PKD1L1: variants seen among roughly 807,000 people sequenced by gnomAD.
The protein encoded by PKD1L1 is polycystin 1 like 1, transient receptor potential channel interacting.
A neutral mutation model predicts 323.4 loss-of-function variants in PKD1L1; 236 were observed. The observed-to-expected ratio is 0.73, with a 90% confidence interval of 0.66 to 0.81. The LOEUF (loss-of-function observed/expected upper bound fraction) is 0.81, where lower values mean the gene tolerates loss of function less well. Among genes scored for constraint, PKD1L1 ranks in the 40% least tolerant of loss-of-function variants. The pLI is 0.00. For missense variants in PKD1L1, 3,320 were observed against 3,508.0 expected, an observed-to-expected ratio of 0.95 and a Z score of 1.35; for synonymous variants, 1,344 against 1,335.0, an observed-to-expected ratio of 1.01 and a Z score of -0.15.
intron 7 of PKD1L1, among the ~76,000 whole-genome samples, chr7:47,924,432 T>C (rs1228803039): frequency 1.3e-5 from 2 of 152,184 alleles, no homozygotes; most frequent in Non-Finnish European, 2.9e-5. Flanking sequence ...ATCAGATCTT[T>C]AGGTTTCACA....
chr7:47,864,628 C>CTT (rs1343089792), intron 26 of PKD1L1, among the ~76,000 whole-genome samples: 1 of 139,282 alleles, frequency 7.2e-6, no homozygotes, highest in Non-Finnish European at 1.5e-5. Flanking sequence ...TTCTTTCTTT[C>CTT]TTTCTTTCCT....
chr7:47,885,571 G>A (rs963991457), intron 18 of PKD1L1, 115 bp downstream of exon 18: 41 of 1,394,188 alleles, frequency 2.9e-5, no homozygotes, highest in Non-Finnish European at 4.0e-5. Context: ...GGCGCTTTCT[G>A]ATTTAAAGGC....
At chr7:47,953,242 G>T (rs1788229608), upstream of PKD1L1, among the ~76,000 whole-genome samples, 2 of 152,120 alleles carry the variant, frequency 1.3e-5, no homozygotes, top group South Asian at 4.1e-4. Flanking sequence ...GTATTACATG[G>T]GGTAATGTTT....
intron 2 of PKD1L1, 116 bp downstream of exon 2, chr7:47,943,280 T>G: frequency 1.2e-6 from 1 of 828,508 alleles, no homozygotes; most frequent in African/African-American, 1.7e-5. Flanking sequence ...CTGACCTTCC[T>G]TCTGTTTCTT....
At chr7:47,796,830 C>CAAA (rs71006525) in intron 54 of PKD1L1, among the ~76,000 whole-genome samples, 2,620 of 133,414 alleles carry the variant, frequency 0.02, 72 homozygotes, top group African/African-American at 0.05. Context: ...TCCTAAATTA[C>CAAA]AAAAAAAAAA....
At chr7:47,928,518 C>T (rs1335882972) in intron 7 of PKD1L1, among the ~76,000 whole-genome samples, 2 of 151,890 alleles carry the variant, frequency 1.3e-5, no homozygotes, top group South Asian at 2.1e-4. Flanking sequence ...TGCAGTGAGC[C>T]GAGATTGCGC....
At chr7:47,910,863 T>TG (rs1554411357) in intron 8 of PKD1L1, among the ~76,000 whole-genome samples, 69 of 151,012 alleles carry the variant, frequency 4.6e-4, no homozygotes, top group African/African-American at 1.3e-3. Flanking sequence ...TGTGTGTGTA[T>TG]TTTTAGTAGA....
chr7:47,885,871 C>T lies in PKD1L1; in HGVS notation c.3020G>A (p.Gly1007Glu). Residue 1007 changes from glycine to glutamate, a missense_variant, in exon 18 of 57, where the codon GGA (glycine) becomes GAA (glutamate). Coordinates refer to ENST00000289672, the MANE Select transcript of PKD1L1 (RefSeq NM_138295.5). ...LGQPATSAPR[G>E]TPTEPMTGVY... is the part of the protein sequence containing the mutation. ...TCCAGTCATGGGCTCTGTGGGGGTT[C>T]CCCTTGGAGCTGAAGTGGCAGGTTG... 6.2e-7 allele frequency: 1 copy of T among 1,614,146 alleles called. No homozygotes were observed. The highest frequency in any genetic ancestry group is 8.5e-7 in the Non-Finnish European group (1 of 1,180,030).
rs1390494101 is a variant in PKD1L1, at chr7:47,840,994, C to T, written c.5446-427G>A. On this transcript the variant is annotated intron_variant, in intron 34 of 56. Coordinates refer to ENST00000289672, the MANE Select transcript of PKD1L1 (RefSeq NM_138295.5). The surrounding 1 kb of genome is among the most constrained non-coding windows in gnomAD (Gnocchi z 4.1). ...GGGCACACCCTGGGGAGGCACATGACAATCTGGCTGGGCTTGTCGTTCTCA... is the reference window on the plus strand; with the variant it reads ...GGGCACACCCTGGGGAGGCACATGATAATCTGGCTGGGCTTGTCGTTCTCA... 6.6e-6 allele frequency among the ~76,000 whole-genome samples: 1 copy of T among 152,220 alleles called. No homozygotes were observed. The highest frequency in any genetic ancestry group is 1.5e-5 in the Non-Finnish European group (1 of 68,050).
intron 14 of PKD1L1, 47 bp from the exon 15 acceptor site, chr7:47,894,106 G>A: frequency 6.8e-7 from 1 of 1,480,220 alleles, no homozygotes; most frequent in Non-Finnish European, 9.1e-7. Flanking sequence ...GGACAAGGCA[G>A]GGACTCACTG....
chr7:47,804,325 G>GC (rs1784729340), intron 52 of PKD1L1, among the ~76,000 whole-genome samples: 1 of 152,024 alleles, frequency 6.6e-6, no homozygotes, highest in Non-Finnish European at 1.5e-5. Flanking sequence ...TTTTCTAGTA[G>GC]CCATGTTTTA....
intron 2 of PKD1L1, among the ~76,000 whole-genome samples, chr7:47,940,793 C>T (rs911859684): frequency 3.3e-5 from 5 of 152,210 alleles, no homozygotes; most frequent in Non-Finnish European, 7.3e-5. Context: ...TAGCACGGAC[C>T]TGGCTGACGT....
intron 14 of PKD1L1, 38 bp from the exon 15 acceptor site, chr7:47,894,097 G>A: frequency 6.6e-7 from 1 of 1,508,960 alleles, no homozygotes; most frequent in African/African-American, 1.4e-5. Context: ...GTCATGCAGG[G>A]ACAAGGCAGG....
intron 42 of PKD1L1, among the ~76,000 whole-genome samples, 170 bp downstream of exon 42, chr7:47,831,047 A>G (rs1433175599): frequency 2.0e-5 from 3 of 152,182 alleles, no homozygotes; most frequent in African/African-American, 7.2e-5. Context: ...TGGGATCTGC[A>G]TAGGATTTTA....
At chr7:47,945,285 T>C (rs1370219125) in intron 1 of PKD1L1, among the ~76,000 whole-genome samples, 2 of 152,248 alleles carry the variant, frequency 1.3e-5, no homozygotes, top group Non-Finnish European at 2.9e-5. Flanking sequence ...TGGATGTCTA[T>C]AAAGTCTAGA....
chr7:47,833,326 T>C, intron 40 of PKD1L1, 74 bp from the exon 41 acceptor site: 1 of 1,506,450 alleles, frequency 6.6e-7, no homozygotes, highest in Non-Finnish European at 9.0e-7. Context: ...AACAGTGGTG[T>C]GGCTTGCCGC....
At chr7:47,824,298 G>A (rs1785201029) in intron 45 of PKD1L1, among the ~76,000 whole-genome samples, 1 of 152,174 alleles carries the variant, frequency 6.6e-6, no homozygotes, top group Non-Finnish European at 1.5e-5. Flanking sequence ...GGACTGCAGA[G>A]TTTTGACTTC....
At chr7:47,824,902 G>A (rs531139348) in intron 45 of PKD1L1, among the ~76,000 whole-genome samples, 1 of 152,290 alleles carries the variant, frequency 6.6e-6, no homozygotes, top group South Asian at 2.1e-4. Context: ...ACATAAATTG[G>A]TTTGTGTGTG....
At chr7:47,799,153 T>A (rs1784607477) in intron 54 of PKD1L1, among the ~76,000 whole-genome samples, 1 of 152,084 alleles carries the variant, frequency 6.6e-6, no homozygotes, top group Non-Finnish European at 1.5e-5. Context: ...GTTGAATGAG[T>A]GAGTGCATGA....
Sources: gnomAD v4.1 joint callset for allele counts (sites outside exome capture counted in the v4.1 genomes callset) on GRCh38, gnomAD v4.1.1 for gene constraint, Gnocchi (gnomAD v3.1) non-coding constraint, MANE v1.5 for transcripts, NCBI Gene and HGNC (gene_info 2026-07-23, HGNC 2026-07-21) for gene names.